Variants in VWA8 observed in about 807,000 individuals in gnomAD.
VWA8 encodes von Willebrand factor A domain containing 8.
A neutral mutation model predicts 241.5 loss-of-function variants in VWA8; 221 were observed. The observed-to-expected ratio is 0.91, with a 90% confidence interval of 0.82 to 1.02. VWA8 has a LOEUF of 1.02. Among genes scored for constraint, VWA8 ranks in the 50% least tolerant of loss-of-function variants. VWA8 has a pLI of 0.00. For missense variants in VWA8, 2,322 were observed against 2,328.7 expected (o/e 1.00, Z 0.06); for synonymous variants, 852 against 827.1 (o/e 1.03, Z -0.52).
At chr13:41,672,316 T>C (rs927021737) in intron 36 of VWA8, among the ~76,000 whole-genome samples, 5 of 152,208 alleles carry the variant, frequency 3.3e-5, no homozygotes, top group African/African-American at 9.6e-5. Context: ...TATATATGTA[T>C]GTATAGTAAT....
chr13:41,592,565 G>T (rs1593636997), intron 40 of VWA8, among the ~76,000 whole-genome samples: 2 of 140,738 alleles, frequency 1.4e-5, no homozygotes, highest in Admixed American at 7.0e-5. Flanking sequence ...ACTCTTATTT[G>T]TTTTGAAAAA....
intron 2 of VWA8, among the ~76,000 whole-genome samples, chr13:41,938,878 G>A (rs1877470846): frequency 1.3e-5 from 2 of 152,100 alleles, no homozygotes; most frequent in Non-Finnish European, 2.9e-5. Context: ...ACAAATAGCT[G>A]CAATGATGTT....
chr13:41,881,913 A>C (rs1593841845), intron 9 of VWA8, among the ~76,000 whole-genome samples: 1 of 133,526 alleles, frequency 7.5e-6, no homozygotes, highest in African/African-American at 2.9e-5. Flanking sequence ...GCTGACCCCC[A>C]CCTCCCTCCC....
chr13:41,874,972 T>C (rs371801924), intron 9 of VWA8, among the ~76,000 whole-genome samples: 1 of 152,106 alleles, frequency 6.6e-6, no homozygotes, highest in Non-Finnish European at 1.5e-5. Flanking sequence ...CTCCATACTT[T>C]ACTAGAATGT....
At chr13:41,739,830 TTTTTTTTTGTTTTTTTTGTTTTTTTTG>T (rs1229389890) in intron 21 of VWA8, among the ~76,000 whole-genome samples, 41,753 of 134,970 alleles carry the variant, frequency 0.31, 5,881 homozygotes, top group Admixed American at 0.34. Flanking sequence ...TTTTTTTGTT[TTTTTTTTTGTTTTTTTTGTTTTTTTTG>T]TTTTTTTTTT....
At chr13:41,866,358 A>AAT (rs1555344943) in intron 10 of VWA8, among the ~76,000 whole-genome samples, 203 of 145,882 alleles carry the variant, frequency 1.4e-3, no homozygotes, top group East Asian at 5.3e-3. Context: ...CAAAAAAAAA[A>AAT]ATATATATAT....
At chr13:41,873,296 T>C (rs1873729832) in intron 9 of VWA8, among the ~76,000 whole-genome samples, 1 of 151,890 alleles carries the variant, frequency 6.6e-6, no homozygotes, top group Admixed American at 6.6e-5. Context: ...AGCAAATATA[T>C]TCAAAAGCTA....
intron 12 of VWA8, among the ~76,000 whole-genome samples, chr13:41,854,893 T>C (rs541000811): frequency 6.6e-6 from 1 of 152,206 alleles, no homozygotes; most frequent in African/African-American, 2.4e-5. Flanking sequence ...TCAGGCAGCA[T>C]GAAGAGTGCA....
At chr13:41,712,003 A>G (rs2045321936) in intron 26 of VWA8, among the ~76,000 whole-genome samples, 1 of 152,138 alleles carries the variant, frequency 6.6e-6, no homozygotes. Context: ...TAGGATACAA[A>G]TACTACATGT....
chr13:41,734,465 G>C (rs2045509712), intron 21 of VWA8, among the ~76,000 whole-genome samples: 1 of 152,218 alleles, frequency 6.6e-6, no homozygotes, highest in African/African-American at 2.4e-5. Flanking sequence ...TTATGTCCAA[G>C]ATGGAGTTGA....
chr13:41,726,683 C>A (rs1300007638), intron 24 of VWA8, among the ~76,000 whole-genome samples: 2 of 152,126 alleles, frequency 1.3e-5, no homozygotes, highest in Non-Finnish European at 2.9e-5. Flanking sequence ...CACTCATTAT[C>A]CCAGACACTA....
rs373688713 is a variant in VWA8, at chr13:41,928,222, G to C, written c.242-16054C>G. Among the ~76,000 whole-genome samples, 5 of 152,258 alleles carry C rather than the reference G, an allele frequency of 3.3e-5. No individual in the cohort carries two copies. The South Asian group carries it at 6.2e-4, about 19-fold the overall frequency. Reference sequence around the variant, plus strand: ...GACAGAAAATTGATAAGGAAATACTGAGTTTGAATTGCACCTTAGACCAAA... The same window carrying C: ...GACAGAAAATTGATAAGGAAATACTCAGTTTGAATTGCACCTTAGACCAAA... On this transcript the variant is annotated intron_variant, in intron 2 of 44. Transcript: ENST00000379310.
intron 9 of VWA8, among the ~76,000 whole-genome samples, chr13:41,881,372 CGGGGGGGG>C (rs756711531): frequency 0.15 from 1,225 of 8,352 alleles, 186 homozygotes; most frequent in Non-Finnish European, 0.18. Flanking sequence ...TTTTTTTTGC[CGGGGGGGG>C]GGGGGGGGGG....
intron 20 of VWA8, among the ~76,000 whole-genome samples, chr13:41,770,985 T>C (rs2045818736): frequency 6.6e-6 from 1 of 151,840 alleles, no homozygotes; most frequent in African/African-American, 2.4e-5. Context: ...TTGTGAATTA[T>C]TAATTATGCC....
intron 44 of VWA8, among the ~76,000 whole-genome samples, chr13:41,569,332 T>C (rs759939639): frequency 2.6e-5 from 4 of 152,240 alleles, no homozygotes; most frequent in Non-Finnish European, 5.9e-5. Flanking sequence ...GTCTGCCTAA[T>C]ACTGGGCTGA....
chr13:41,667,108 T>C (rs927920667), intron 37 of VWA8, among the ~76,000 whole-genome samples: 1 of 152,212 alleles, frequency 6.6e-6, no homozygotes, highest in Non-Finnish European at 1.5e-5. Context: ...GAAGATTACC[T>C]AGCATGTAAA....
chr13:41,845,704 A>C (rs567919436), intron 12 of VWA8, among the ~76,000 whole-genome samples: 1 of 152,318 alleles, frequency 6.6e-6, no homozygotes, highest in African/African-American at 2.4e-5. Context: ...AAGCAAACTA[A>C]CGTAGAAACA....
intron 9 of VWA8, among the ~76,000 whole-genome samples, chr13:41,875,616 C>A (rs965622615): frequency 2.6e-5 from 4 of 152,032 alleles, no homozygotes; most frequent in Non-Finnish European, 4.4e-5. Context: ...CAATAATATC[C>A]TATTTACCAA....
At chr13:41,626,290 C>A (rs1227634319) in intron 37 of VWA8, among the ~76,000 whole-genome samples, 7 of 152,020 alleles carry the variant, frequency 4.6e-5, no homozygotes, top group Non-Finnish European at 1.0e-4. Flanking sequence ...AATGGAAAAA[C>A]ATTCCATGCT....
Sources: gnomAD v4.1 joint callset for allele counts (sites outside exome capture counted in the v4.1 genomes callset) on GRCh38, gnomAD v4.1.1 for gene constraint, MANE v1.5 for transcripts, NCBI Gene and HGNC (gene_info 2026-07-23, HGNC 2026-07-21) for gene names.